Variants in RALYL observed in about 807,000 individuals in gnomAD.
RALYL encodes the protein RALY RNA binding protein like.
A neutral mutation model predicts 35.1 loss-of-function variants in RALYL; 29 were observed. The observed-to-expected ratio is 0.83, with a 90% CI of 0.61 to 1.13. The LOEUF (loss-of-function observed/expected upper bound fraction) is 1.13, where lower values mean the gene tolerates loss of function less well. Among genes scored for constraint, RALYL ranks in the 50% most tolerant of loss-of-function variants. The pLI, the probability that RALYL is intolerant of heterozygous loss-of-function variation, is 0.00. For missense variants in RALYL, 359 were observed against 360.4 expected (o/e 1.00, Z 0.03); for synonymous variants, 120 against 127.6 (o/e 0.94, Z 0.40).
chr8:84,732,683 T>TACACACACACAC (rs1554553642), intron 2 of RALYL, among the ~76,000 whole-genome samples: 24 of 133,164 alleles, frequency 1.8e-4, no homozygotes, highest in African/African-American at 2.1e-4. Flanking sequence ...TATATATATA[T>TACACACACACAC]ACACACACAC....
chr8:84,865,164 A>G (rs941777637), intron 6 of RALYL, among the ~76,000 whole-genome samples: 1 of 152,208 alleles, frequency 6.6e-6, no homozygotes. Context: ...ATTAATTTAT[A>G]GTACTTTTTA....
intron 2 of RALYL, among the ~76,000 whole-genome samples, chr8:84,558,836 A>G (rs1006611296): frequency 6.6e-6 from 1 of 152,102 alleles, no homozygotes; most frequent in Non-Finnish European, 1.5e-5. Context: ...CCTTGGCACC[A>G]TGGTTTGAGT....
chr8:84,682,084 T>A (rs1304407878), intron 2 of RALYL, among the ~76,000 whole-genome samples: 1 of 152,198 alleles, frequency 6.6e-6, no homozygotes, highest in East Asian at 1.9e-4. Flanking sequence ...CTTTTCTGCA[T>A]CTATTGAGAT....
intron 1 of RALYL, among the ~76,000 whole-genome samples, chr8:84,445,467 T>A (rs2048752155): frequency 6.6e-6 from 1 of 151,902 alleles, no homozygotes; most frequent in Non-Finnish European, 1.5e-5. Context: ...GCCAGAACAA[T>A]ATATTTTACT....
chr8:84,672,367 A>G (rs1277948145), intron 2 of RALYL, among the ~76,000 whole-genome samples: 3 of 152,142 alleles, frequency 2.0e-5, no homozygotes, highest in African/African-American at 7.2e-5. Flanking sequence ...TGAGCCTTCC[A>G]AGTTTTTAGG....
intron 6 of RALYL, 144 bp downstream of exon 6, chr8:84,862,597 A>C (rs1781524535): frequency 1.5e-6 from 1 of 658,508 alleles, no homozygotes; most frequent in African/African-American, 1.9e-5. Context: ...AAGATGGATA[A>C]AAAATGGTCT....
chr8:84,414,579 C>T (rs78274302), intron 1 of RALYL, among the ~76,000 whole-genome samples: 4,470 of 152,088 alleles, frequency 0.029, 222 homozygotes, highest in African/African-American at 0.1. Flanking sequence ...GCATATTTGA[C>T]GTGCAAATAT....
intron 1 of RALYL, among the ~76,000 whole-genome samples, chr8:84,192,886 AGT>A (rs758028998): frequency 2.0e-3 from 147 of 73,020 alleles, no homozygotes; most frequent in African/African-American, 2.4e-3. Context: ...TGAGGGAGGG[AGT>A]GTGTGTGTGT....
chr8:84,816,032 C>CAAAAAA (rs5892931), intron 4 of RALYL, among the ~76,000 whole-genome samples: 21 of 84,172 alleles, frequency 2.5e-4, no homozygotes, highest in Non-Finnish European at 3.9e-4. Flanking sequence ...GACTCTGTCT[C>CAAAAAA]AAAAAAAAAA....
intron 2 of RALYL, among the ~76,000 whole-genome samples, chr8:84,591,630 A>G (rs1813306280): frequency 6.6e-6 from 1 of 152,216 alleles, no homozygotes; most frequent in African/African-American, 2.4e-5. Context: ...AAATTAGGTC[A>G]TTGCCTTTCT....
intron 2 of RALYL, among the ~76,000 whole-genome samples, chr8:84,747,634 T>G (rs1047061838): frequency 3.9e-5 from 6 of 151,946 alleles, no homozygotes; most frequent in African/African-American, 1.4e-4. Context: ...TAAATTTTAT[T>G]TATTACTTCA....
intron 3 of RALYL, among the ~76,000 whole-genome samples, chr8:84,792,727 C>T (rs1261056218): frequency 6.6e-6 from 1 of 152,184 alleles, no homozygotes; most frequent in Admixed American, 6.5e-5. Context: ...CACATAGTCT[C>T]TCCCTGGGGC....
chr8:84,537,805 C>A (rs893416295), intron 2 of RALYL, among the ~76,000 whole-genome samples: 2 of 152,094 alleles, frequency 1.3e-5, no homozygotes, highest in Non-Finnish European at 2.9e-5. Flanking sequence ...AAGGGGAATT[C>A]TATAATGTAC....
chr8:84,609,871 T>C (rs1396961199), intron 2 of RALYL, among the ~76,000 whole-genome samples: 1 of 152,134 alleles, frequency 6.6e-6, no homozygotes, highest in Non-Finnish European at 1.5e-5. Context: ...ACAATCATTG[T>C]GGAAGACAAA....
intron 1 of RALYL, among the ~76,000 whole-genome samples, chr8:84,447,959 G>A (rs1381561894): frequency 6.6e-6 from 1 of 151,958 alleles, no homozygotes; most frequent in Non-Finnish European, 1.5e-5. Flanking sequence ...AAAATGTAAG[G>A]TTTTGTGTAT....
chr8:84,806,542 T>G (rs1474123025), intron 4 of RALYL, among the ~76,000 whole-genome samples: 1 of 151,394 alleles, frequency 6.6e-6, no homozygotes, highest in Non-Finnish European at 1.5e-5. Flanking sequence ...GCACTGATTA[T>G]TAGAACCCTG....
chr8:84,838,943 AAG>A (rs1832604095), intron 4 of RALYL, among the ~76,000 whole-genome samples: 2 of 152,194 alleles, frequency 1.3e-5, no homozygotes, highest in Non-Finnish European at 2.9e-5. Context: ...CAGCATAAAA[AAG>A]AGTCTCTGAA....
Position 84,539,915 on chromosome 8 carries a change from CACAG to C in RALYL, c.256+10342_256+10345del, listed in dbSNP as rs1461226562. 5.0e-5 allele frequency among the ~76,000 whole-genome samples: 7 copies of C among 140,904 alleles called. No individual in the cohort carries two copies. In the East Asian group the frequency reaches 1.5e-3, roughly 30 times the overall value. 92.4% of individuals were successfully genotyped at this position (140,904 alleles called of 152,430 possible). On this transcript the variant is annotated intron_variant, in intron 2 of 8. Coordinates refer to ENST00000521268, the MANE Select transcript of RALYL (RefSeq NM_173848.7). ...GTGTGTGTGTGTGTGTGTGTACATG[CACAG>C]ACATACACACACACACACATGCACA...
chr8:84,275,767 A>C (rs911410251), intron 1 of RALYL, among the ~76,000 whole-genome samples: 1 of 152,054 alleles, frequency 6.6e-6, no homozygotes, highest in Admixed American at 6.6e-5. Flanking sequence ...TTGAATATTT[A>C]TTTCTTTTAC....
Sources: gnomAD v4.1 joint callset for allele counts (sites outside exome capture counted in the v4.1 genomes callset) on GRCh38, gnomAD v4.1.1 for gene constraint, MANE v1.5 for transcripts, NCBI Gene and HGNC (gene_info 2026-07-23, HGNC 2026-07-21) for gene names.